ARHGEF9: variants seen among roughly 807,000 people sequenced by gnomAD.
ARHGEF9 encodes the protein rho guanine nucleotide exchange factor 9.
In ARHGEF9, 2 loss-of-function variants were observed where a neutral mutation model predicts 41.3. The ratio of observed to expected loss-of-function variants is 0.05; its 90% CI spans 0.02 to 0.15. The LOEUF is 0.15. Among genes scored for constraint, ARHGEF9 ranks in the 10% least tolerant of loss-of-function variants. The probability of loss-of-function intolerance (pLI) is 1.00; values close to 1 mark genes in which losing one functional copy is unlikely to be tolerated. For missense variants in ARHGEF9, 225 were observed against 424.7 expected (o/e 0.53, Z 4.13); for synonymous variants, 160 against 154.4 (o/e 1.04, Z -0.27).
chrX:63,638,198 C>A lies in ARHGEF9; in HGVS notation c.1402G>T (p.Ala468Ser), dbSNP rs781870482. ...KVPKQKGVNS[A>S]RSVPPSYPPP... ...GGGTAGGAAGGAGGAACTGAGCGGG[C>A]AGAGTTGACACCTAGAGTAGATGAG... Residue 468 changes from alanine to serine, a missense_variant, in exon 10 of 10, where the codon GCC (alanine) becomes TCC (serine). Physicochemically the swap from Ala to Ser is moderately conservative, Grantham distance 99. Coordinates refer to ENST00000671741, the MANE Select transcript of ARHGEF9 (RefSeq NM_001353921.2). 42 of 1,181,827 alleles carry A rather than the reference C, an allele frequency of 3.6e-5. No individual in the cohort carries two copies. The highest frequency in any genetic ancestry group is 2.4e-5 in the Non-Finnish European group (21 of 880,940).
rs782292375 is a variant in ARHGEF9, at chrX:63,752,340, C to T, written c.31-27629G>A. Among the ~76,000 whole-genome samples the T allele has an allele frequency of 4.5e-5, 5 of 109,993 alleles. No individual in the cohort carries two copies. In the South Asian group the frequency reaches 2.0e-3, roughly 44 times the overall value. On this transcript the variant is annotated intron_variant, in intron 1 of 9. Transcript: ENST00000671741. ...GAGGAGGAAAAAAATTGTCCAAGGT[C>T]AAACAGCTGCTGAATGGAAAAAACA...
intron 6 of ARHGEF9, among the ~76,000 whole-genome samples, chrX:63,667,533 C>A (rs1462016511): frequency 9.0e-6 from 1 of 110,764 alleles, no homozygotes; most frequent in Non-Finnish European, 1.9e-5. Context: ...GAGATGGAGA[C>A]CTTTATACCT....
intron 3 of ARHGEF9, chrX:63,701,376 AC>A (rs1227774331): frequency 9.1e-6 from 1 of 110,097 alleles, no homozygotes; most frequent in Admixed American, 9.7e-5. Context: ...TTTGCCTGGA[AC>A]CTGAGGCCTG....
Position 63,635,859 on chromosome X carries a change from C to T in ARHGEF9, c.*2169G>A, listed in dbSNP as rs2047291974. The T allele has an allele frequency of 6.9e-6, 1 of 145,273 alleles. No individual in the cohort carries two copies. Among genetic ancestry groups the T allele is most frequent in the Admixed American group, 8.9e-5 (1 of 11,200 alleles). 12.0% of individuals were successfully genotyped at this position (145,273 alleles called of 1,213,427 possible). On this transcript the variant is annotated 3_prime_UTR_variant, in exon 10 of 10. Coordinates refer to ENST00000671741, the MANE Select transcript of ARHGEF9 (RefSeq NM_001353921.2). ...GAAAAAGAGGTACACTGAAGGGAGG[C>T]CTGCATAGCTACCAAAACACTCTGC...
intron 1 of ARHGEF9, among the ~76,000 whole-genome samples, chrX:63,763,685 T>C (rs2056070860): frequency 9.0e-6 from 1 of 111,334 alleles, no homozygotes; most frequent in East Asian, 2.8e-4. Flanking sequence ...GTCATGATAC[T>C]CATGCTGCCC....
At chrX:63,651,488 T>G (rs2048536913) in intron 8 of ARHGEF9, among the ~76,000 whole-genome samples, 1 of 111,459 alleles carries the variant, frequency 9.0e-6, no homozygotes, top group South Asian at 3.7e-4. Context: ...AATGATTTAT[T>G]TAATAAATGA....
intron 8 of ARHGEF9, among the ~76,000 whole-genome samples, chrX:63,648,973 G>A (rs1259747094): frequency 9.0e-6 from 1 of 111,171 alleles, no homozygotes; most frequent in Non-Finnish European, 1.9e-5. Flanking sequence ...GATCTACAAA[G>A]AGACTTAGAC....
At chrX:63,731,840 C>T (rs1174352910) in intron 1 of ARHGEF9, among the ~76,000 whole-genome samples, 1 of 111,081 alleles carries the variant, frequency 9.0e-6, no homozygotes, top group African/African-American at 3.3e-5. Context: ...GGACTACAGG[C>T]GTGAGCCACC....
intron 2 of ARHGEF9, among the ~76,000 whole-genome samples, chrX:63,721,919 G>A (rs1556413920): frequency 9.0e-6 from 1 of 111,468 alleles, no homozygotes; most frequent in Non-Finnish European, 1.9e-5. Flanking sequence ...GCACATACAA[G>A]TATGAAATTC....
intron 2 of ARHGEF9, among the ~76,000 whole-genome samples, chrX:63,716,638 C>T (rs1556410350): frequency 8.9e-6 from 1 of 111,945 alleles, no homozygotes; most frequent in Non-Finnish European, 1.9e-5. Context: ...TACCTGGTCA[C>T]CATGCTTTAC....
intron 3 of ARHGEF9, among the ~76,000 whole-genome samples, chrX:63,699,043 C>T (rs782213149): frequency 9.9e-5 from 11 of 111,479 alleles, no homozygotes; most frequent in Non-Finnish European, 1.9e-4. Context: ...ATATGTAATT[C>T]CCAGAGCCTA....
intron 5 of ARHGEF9, 123 bp downstream of exon 5, chrX:63,678,217 A>G: frequency 1.7e-6 from 1 of 604,399 alleles, no homozygotes; most frequent in Non-Finnish European, 2.8e-6. Context: ...TCAAGAATGT[A>G]TCATCCTGTT....
At chrX:63,772,479 G>T (rs1382175912) in intron 1 of ARHGEF9, among the ~76,000 whole-genome samples, 1 of 111,755 alleles carries the variant, frequency 8.9e-6, no homozygotes, top group East Asian at 2.8e-4. Context: ...GCCTAGTACT[G>T]CCATGCACAC....
chrX:63,759,773 G>A (rs781796146), intron 1 of ARHGEF9, among the ~76,000 whole-genome samples: 1 of 112,089 alleles, frequency 8.9e-6, no homozygotes, highest in East Asian at 2.8e-4. Context: ...TATGAGGTAG[G>A]TACGGTAGGT....
intron 8 of ARHGEF9, among the ~76,000 whole-genome samples, chrX:63,648,047 C>T (rs1344649098): frequency 1.8e-5 from 2 of 111,501 alleles, no homozygotes; most frequent in Non-Finnish European, 3.8e-5. Flanking sequence ...TCCAGGAGAA[C>T]TTCCCCAATC....
intron 1 of ARHGEF9, among the ~76,000 whole-genome samples, chrX:63,751,005 AGTGG>A (rs1242192614): frequency 2.7e-5 from 3 of 110,986 alleles, no homozygotes; most frequent in Non-Finnish European, 5.7e-5. Context: ...TCTGGAGCTC[AGTGG>A]GTGCTCAGTG....
chrX:63,706,618 GGCATGGGTTTAA>G (rs1420883306), intron 2 of ARHGEF9, among the ~76,000 whole-genome samples, 169 bp from the exon 3 acceptor site: 1 of 111,568 alleles, frequency 9.0e-6, no homozygotes, highest in Non-Finnish European at 1.9e-5. Flanking sequence ...TTTTGCCCTG[GGCATGGGTTTAA>G]TCTTCTCTAG....
chrX:63,657,496 A>G (rs2048947387), intron 7 of ARHGEF9: 1 of 111,891 alleles, frequency 8.9e-6, no homozygotes, highest in South Asian at 3.7e-4. Context: ...AAAAATAACA[A>G]TCATGTTACT....
chrX:63,784,214 G>GACA (rs1458559760), intron 1 of ARHGEF9, among the ~76,000 whole-genome samples: 2 of 111,978 alleles, frequency 1.8e-5, no homozygotes, highest in African/African-American at 3.2e-5. Flanking sequence ...CCCAGCTGAG[G>GACA]ACAAAGTCAT....
Sources: gnomAD v4.1 joint callset for allele counts (sites outside exome capture counted in the v4.1 genomes callset) on GRCh38, gnomAD v4.1.1 for gene constraint, MANE v1.5 for transcripts, NCBI Gene and HGNC (gene_info 2026-07-23, HGNC 2026-07-21) for gene names.